Variants in YBX2 observed in about 807,000 individuals in gnomAD.
YBX2 encodes Y-box binding protein 2, also known as Y-box-binding protein 2.
A neutral mutation model predicts 44.4 loss-of-function variants in YBX2; 5 were observed. That is an observed-to-expected ratio of 0.11 (90% CI 0.06 to 0.24). YBX2 has a LOEUF of 0.24. Ranked by LOEUF, YBX2 falls within the 10% of genes least tolerant of loss-of-function variation. YBX2 has a pLI of 1.00. For missense variants in YBX2, 417 were observed against 526.9 expected, an observed-to-expected ratio of 0.79 and a Z score of 2.04; for synonymous variants, 188 against 216.1, an observed-to-expected ratio of 0.87 and a Z score of 1.14.
intron 6 of YBX2, 88 bp from the exon 7 acceptor site, chr17:7,289,813 A>C: frequency 6.3e-7 from 1 of 1,598,036 alleles, no homozygotes; most frequent in Non-Finnish European, 8.5e-7. Context: ...TCCAGGAGCC[A>C]GGCTTCCAGC....
In YBX2 at chr17:7,289,536, G is replaced by A. The variant is rs940881227; in HGVS notation, c.1038C>T (p.Ala346=). Residue 346 remains alanine (A), a synonymous_variant, in exon 7 of 9, where the codon GCC becomes GCT. Transcript: ENST00000007699. ...CCACATCTGAGGTCCTCACCTCAGG[G>A]GCTGCGGGCTGCCGGGGGCCAGGGG... is the stretch of plus-strand genomic sequence containing the variant. ...QQAPGPRQPA[A]PETSAPVNSG... 2.5e-6 allele frequency: 4 copies of A among 1,602,734 alleles called. No individual in the cohort carries two copies. The highest frequency in any genetic ancestry group is 3.4e-6 in the Non-Finnish European group (4 of 1,174,472).
chr17:7,290,181 G>A, intron 5 of YBX2, 70 bp downstream of exon 5: 2 of 1,610,926 alleles, frequency 1.2e-6, no homozygotes, highest in Non-Finnish European at 1.7e-6. Flanking sequence ...GGGACCCATG[G>A]TCTCTATCCT....
rs781424652 is a variant in YBX2, at chr17:7,290,365, C to G, written c.630G>C (p.Gly210=). Residue 210 remains glycine, a synonymous_variant, in exon 5 of 9, where the codon GGG becomes GGC. Coordinates refer to ENST00000007699, the MANE Select transcript of YBX2 (RefSeq NM_015982.4). The stretch of plus-strand genomic sequence containing the variant: ...GTTGCCCAGAGTCTTCAGCCCGCTC[C>G]CCTTTACTGCCAGGTCCTGTCCCCG... ...PSAGTGPGSK[G]ERAEDSGQRP... 1.2e-6 allele frequency: 2 copies of G among 1,613,928 alleles called. No individual in the cohort carries two copies. The highest frequency in any genetic ancestry group is 2.2e-5 in the South Asian group (2 of 91,074).
intron 7 of YBX2, among the ~76,000 whole-genome samples, chr17:7,289,094 C>T (rs763153248): frequency 1.3e-5 from 2 of 152,096 alleles, no homozygotes; most frequent in African/African-American, 2.4e-5. Context: ...ACTCCTGACC[C>T]CAACTGATCT....
chr17:7,293,246 T>G (rs1478277795), intron 2 of YBX2: 9 of 681,642 alleles, frequency 1.3e-5, no homozygotes, highest in Non-Finnish European at 2.2e-5. Flanking sequence ...AGAGCCAGGT[T>G]TGCCAAGTTC....
At chr17:7,289,827 T>C in intron 6 of YBX2, 102 bp from the exon 7 acceptor site, 4 of 1,592,564 alleles carry the variant, frequency 2.5e-6, no homozygotes, top group Non-Finnish European at 3.4e-6. Flanking sequence ...TTCCAGCCCA[T>C]GAGCACTGCC....
rs137878814 is a variant in YBX2, at chr17:7,290,008, C to T, written c.808G>A (p.Glu270Lys). 4 of 1,614,274 alleles carry T rather than the reference C, an allele frequency of 2.5e-6. No homozygotes were observed. The highest frequency in any genetic ancestry group is 2.5e-6 in the Non-Finnish European group (3 of 1,180,044). The change falls in exon 6 of 9, where the codon GAG (glutamate) becomes AAG (lysine). Residue 270 changes from glutamate (E) to lysine (K), a missense_variant. This residue lies in a region of YBX2 where 257 missense variants were observed against 261.7 expected (regional missense o/e 0.98). Transcript: ENST00000007699. The part of the protein sequence containing the change: ...PLEGHQQQGD[E>K]RVPPPRFRPR... The stretch of plus-strand genomic sequence containing the variant: ...CGGAATCTGGGCGGGGGGACTCGCT[C>T]ATCTCCCTGCTGTTGGTGCCCCTCC...
At position 7,294,250 on chromosome 17, in the gene YBX2, T is replaced by G; in HGVS notation, c.251A>C (p.Gln84Pro). Residue 84 changes from glutamine to proline, a missense_variant, in exon 1 of 9, where the codon CAG (glutamine) becomes CCG (proline). Gln to Pro is a moderately conservative substitution (Grantham distance 76). Transcript: ENST00000007699. The surrounding 1 kb of genome is among the most constrained non-coding windows in gnomAD (Gnocchi z 4.6). ...SGTPAPPARS[Q>P]ADKPVLAIQV... The stretch of plus-strand genomic sequence containing the variant: ...CTCACCCAGCACCGGCTTGTCCGCC[T>G]GACTCCGGGCCGGGGGGGCGGGGGT... The G allele has an allele frequency of 1.6e-6, 2 of 1,259,346 alleles. No homozygotes were observed. The highest frequency in any genetic ancestry group is 2.0e-6 in the Non-Finnish European group (2 of 1,007,236). The allele number at this position is 1,259,346 out of a possible 1,614,324, so 78.0% of individuals were successfully genotyped here. A position where few individuals can be genotyped will look rare whatever the true frequency, so the allele number is the denominator to read the frequency against.
At chr17:7,293,932 A>G (rs926475655) in intron 1 of YBX2, 1 of 507,012 alleles carries the variant, frequency 2.0e-6, no homozygotes, top group African/African-American at 1.9e-5. Flanking sequence ...AGGTTTGCCT[A>G]GTTCTAACCC....
In YBX2 at chr17:7,291,949, G is replaced by A. The variant is rs1262845299; in HGVS notation, c.369+77C>T. The A allele has an allele frequency of 1.1e-5, 18 of 1,568,518 alleles. No homozygotes were observed. Among genetic ancestry groups the A allele is most frequent in the East Asian group, 2.2e-5 (1 of 44,620 alleles). On this transcript the variant is annotated intron_variant, in intron 3 of 8. Coordinates refer to ENST00000007699, the MANE Select transcript of YBX2 (RefSeq NM_015982.4). This position sits in a 1 kb window ranked among gnomAD's most constrained non-coding sequence, Gnocchi z 5.8. ...AGAAGAGCCAGAGAAACATGGCGGAGCGCACTGCTAAGGATTACAGCAAAG... is the reference window on the plus strand; with the variant it reads ...AGAAGAGCCAGAGAAACATGGCGGAACGCACTGCTAAGGATTACAGCAAAG...
chr17:7,294,031 C>G lies in YBX2; in HGVS notation c.271+199G>C. The G allele has an allele frequency of 1.6e-6, 1 of 607,488 alleles. No homozygotes were observed. The highest frequency in any genetic ancestry group is 2.4e-6 in the Non-Finnish European group (1 of 414,050). 37.6% of individuals were successfully genotyped at this position (607,488 alleles called of 1,614,324 possible). On this transcript the variant is annotated intron_variant, in intron 1 of 8. Transcript: ENST00000007699. The surrounding 1 kb of genome is among the most constrained non-coding windows in gnomAD (Gnocchi z 4.6). Reference sequence around the variant, plus strand: ...CCAAGACCTTAGCTGAACCTGCCGGCCCCGCCCTCTCTCCCAGGAAGGTAC... The same window carrying G: ...CCAAGACCTTAGCTGAACCTGCCGGGCCCGCCCTCTCTCCCAGGAAGGTAC...
In YBX2 at chr17:7,289,474, G is replaced by T; in HGVS notation, c.1044+56C>A. The T allele has an allele frequency of 2.6e-6, 4 of 1,552,752 alleles. No homozygotes were observed. In the South Asian group the frequency reaches 4.7e-5, roughly 18 times the overall value. ...TAGAGTAGGAAAGAAAAAGGAGCAGGTGGGGGAGGGAGCTGGTCTCAGCCT... is the reference window on the plus strand; with the variant it reads ...TAGAGTAGGAAAGAAAAAGGAGCAGTTGGGGGAGGGAGCTGGTCTCAGCCT... On this transcript the variant is annotated intron_variant, in intron 7 of 8. Transcript: ENST00000007699.
chr17:7,288,689 G>C (rs1034902464), intron 8 of YBX2, 46 bp from the exon 9 acceptor site: 1 of 1,409,856 alleles, frequency 7.1e-7, no homozygotes, highest in Admixed American at 1.8e-5. Context: ...ACAGCGACTT[G>C]TCATCGCCAC....
rs1173351023 is a variant in YBX2 at position 7,291,412 on chromosome 17, C to T, written c.370-230G>A. ...CCAGGATGCACTCCCCGCACCTCCC[C>T]TCCCGCCCCGCTTTACCCCTCAGGG... On this transcript the variant is annotated intron_variant, in intron 3 of 8. Coordinates refer to ENST00000007699, the MANE Select transcript of YBX2 (RefSeq NM_015982.4). This position sits in a 1 kb window ranked among gnomAD's most constrained non-coding sequence, Gnocchi z 5.8. 5 of 577,738 alleles carry T rather than the reference C, an allele frequency of 8.7e-6. No individual in the cohort carries two copies. The highest frequency in any genetic ancestry group is 2.0e-5 in the South Asian group (1 of 51,138). 35.8% of individuals were successfully genotyped at this position (577,738 alleles called of 1,614,324 possible).
chr17:7,292,313 G>T (rs146413005), intron 2 of YBX2: 67 of 516,870 alleles, frequency 1.3e-4, no homozygotes, highest in African/African-American at 1.2e-3. Flanking sequence ...GGAGGCAAAG[G>T]CACCTTGAGG....
chr17:7,293,573 G>A, intron 1 of YBX2, 35 bp from the exon 2 acceptor site: 1 of 1,613,964 alleles, frequency 6.2e-7, no homozygotes, highest in Non-Finnish European at 8.5e-7. Flanking sequence ...ACAGTGAGAT[G>A]GGGGGAAGAG....
intron 6 of YBX2, 25 bp downstream of exon 6, chr17:7,289,943 C>T (rs2072487597): frequency 1.9e-6 from 3 of 1,613,044 alleles, no homozygotes; most frequent in Non-Finnish European, 2.5e-6. Flanking sequence ...AAGGGGAAGA[C>T]CAAGCCCCAG....
chr17:7,294,512 C>G lies in YBX2; in HGVS notation c.-12G>C. On this transcript the variant is annotated 5_prime_UTR_variant, in exon 1 of 9. Coordinates refer to ENST00000007699, the MANE Select transcript of YBX2 (RefSeq NM_015982.4). This position sits in a 1 kb window ranked among gnomAD's most constrained non-coding sequence, Gnocchi z 4.6. ...TCCACCTCGCTCATCCCGCCGGGTC[C>G]AGTACCGGCCACAGCCGCCACCGCC... The G allele has an allele frequency of 6.9e-7, 1 of 1,451,734 alleles. No homozygotes were observed. Among genetic ancestry groups the G allele is most frequent in the Non-Finnish European group, 9.1e-7 (1 of 1,102,930 alleles). The allele number at this position is 1,451,734 out of a possible 1,614,324, so 89.9% of individuals were successfully genotyped here.
At chr17:7,289,797 C>G in intron 6 of YBX2, 72 bp from the exon 7 acceptor site, 1 of 1,602,148 alleles carries the variant, frequency 6.2e-7, no homozygotes, top group Non-Finnish European at 8.5e-7. Flanking sequence ...GCTGCCCCAC[C>G]CCACCTCCAG....
Sources: allele counts gnomAD v4.1 joint callset (sites outside exome capture counted in the v4.1 genomes callset), GRCh38; gene constraint gnomAD v4.1.1; regional missense constraint gnomAD v4.1.1; non-coding constraint Gnocchi (gnomAD v3.1); transcripts MANE v1.5; gene names NCBI Gene and HGNC (gene_info 2026-07-23, HGNC 2026-07-21).